AMOTL1: variants seen among roughly 807,000 people sequenced by gnomAD.
AMOTL1 encodes the protein angiomotin-like protein 1.
AMOTL1 carries 45 observed loss-of-function variants against 102.9 expected under a neutral mutation model. The observed-to-expected ratio is 0.44, with a 90% confidence interval of 0.34 to 0.56. AMOTL1 has a LOEUF of 0.56. Ranked by LOEUF, AMOTL1 falls within the 20% of genes least tolerant of loss-of-function variation. AMOTL1 has a pLI of 0.01. For synonymous variants in AMOTL1, 481 were observed against 484.7 expected, an observed-to-expected ratio of 0.99 and a Z score of 0.10; for missense variants, 1,114 against 1,225.6, an observed-to-expected ratio of 0.91 and a Z score of 1.36.
intron 3 of AMOTL1, among the ~76,000 whole-genome samples, chr11:94,817,957 G>A (rs1002534034): frequency 6.6e-6 from 1 of 152,160 alleles, no homozygotes; most frequent in Non-Finnish European, 1.5e-5. Flanking sequence ...GCTGTTTACA[G>A]CTTTTAATAA....
chr11:94,853,432 G>GA (rs1235270511), intron 7 of AMOTL1, among the ~76,000 whole-genome samples: 3 of 152,148 alleles, frequency 2.0e-5, no homozygotes, highest in Non-Finnish European at 4.4e-5. Flanking sequence ...AGTTTGCTGA[G>GA]AATGATGGCT....
At chr11:94,806,921 A>G (rs1459627550) in intron 3 of AMOTL1, among the ~76,000 whole-genome samples, 1 of 152,102 alleles carries the variant, frequency 6.6e-6, no homozygotes, top group Admixed American at 6.5e-5. Context: ...TGGAAAAAAA[A>G]TTTCAGGGGG....
At chr11:94,781,848 A>G (rs1328742383) in intron 1 of AMOTL1, among the ~76,000 whole-genome samples, 1 of 152,108 alleles carries the variant, frequency 6.6e-6, no homozygotes, top group Admixed American at 6.5e-5. Flanking sequence ...AGAAGAAAAA[A>G]AAAAAAAGAA....
chr11:94,849,773 C>G (rs1952492095), intron 6 of AMOTL1, among the ~76,000 whole-genome samples: 1 of 151,992 alleles, frequency 6.6e-6, no homozygotes, highest in Non-Finnish European at 1.5e-5. Flanking sequence ...AAAATGGAAG[C>G]AGGGAATGTT....
At chr11:94,823,719 C>CT (rs56265520) in intron 4 of AMOTL1, among the ~76,000 whole-genome samples, 33,885 of 141,608 alleles carry the variant, frequency 0.24, 4,446 homozygotes, top group East Asian at 0.45. Flanking sequence ...TTAACATGTA[C>CT]TTTTTTTTTT....
intron 11 of AMOTL1, among the ~76,000 whole-genome samples, chr11:94,868,477 C>G (rs575596044): frequency 6.6e-6 from 1 of 152,318 alleles, no homozygotes; most frequent in Non-Finnish European, 1.5e-5. Flanking sequence ...CTTCCCCACC[C>G]CAGCCTCACT....
chr11:94,801,365 G>A (rs2135576158), intron 3 of AMOTL1, among the ~76,000 whole-genome samples: 1 of 152,268 alleles, frequency 6.6e-6, no homozygotes, highest in East Asian at 1.9e-4. Flanking sequence ...TTTGGACAGG[G>A]AAGTTGGGAC....
At chr11:94,772,205 A>G (rs1159509120) in intron 1 of AMOTL1, among the ~76,000 whole-genome samples, 2 of 152,218 alleles carry the variant, frequency 1.3e-5, no homozygotes, top group African/African-American at 2.4e-5. Context: ...TTCAGATTTC[A>G]CCAGTTTTAC....
chr11:94,721,475 G>A (rs906682293), intron 1 of AMOTL1, among the ~76,000 whole-genome samples: 1 of 152,096 alleles, frequency 6.6e-6, no homozygotes, highest in East Asian at 1.9e-4. Flanking sequence ...ATGGTATTTG[G>A]AGGTGGGACC....
At chr11:94,840,891 T>C (rs974898420) in intron 6 of AMOTL1, among the ~76,000 whole-genome samples, 4 of 151,954 alleles carry the variant, frequency 2.6e-5, no homozygotes, top group Admixed American at 1.3e-4. Flanking sequence ...ATGTCCTATT[T>C]CCTGAAATGT....
Position 94,756,072 on chromosome 11 carries a change from C to T in AMOTL1, c.136+15084C>T, listed in dbSNP as rs149862771. 5.6e-3 allele frequency among the ~76,000 whole-genome samples: 845 copies of T among 152,184 alleles called. 11 individuals carry two copies. Among genetic ancestry groups the T allele is most frequent in the African/African-American group, 0.019 (801 of 41,530 alleles). On this transcript the variant is annotated intron_variant, in intron 3 of 4. Coordinates refer to the AMOTL1 transcript ENST00000299004. Reference sequence around the variant, plus strand: ...GACCTTCCGCTGGAGTCAGGCTGCTCAGCAGCCAGACTCTCCTCTGACTGC... The same window carrying T: ...GACCTTCCGCTGGAGTCAGGCTGCTTAGCAGCCAGACTCTCCTCTGACTGC...
Position 94,753,329 on chromosome 11 carries a change from G to A in AMOTL1, c.136+12341G>A, listed in dbSNP as rs190674542. On this transcript the variant is annotated intron_variant, in intron 3 of 4. Transcript: ENST00000299004. ...TGCTTTTTTTTTTTTTTTTTTTCCT[G>A]TCTTCCCCTCCTTGCCTTGTCACTC... Among the ~76,000 whole-genome samples, 309 of 73,108 alleles carry A rather than the reference G, an allele frequency of 4.2e-3. 3 individuals carry two copies. The highest frequency in any genetic ancestry group is 0.015 in the African/African-American group (300 of 20,042). The allele number at this position is 73,108 out of a possible 152,430, so 48.0% of individuals were successfully genotyped here.
intron 3 of AMOTL1, among the ~76,000 whole-genome samples, chr11:94,753,399 C>T (rs1000920855): frequency 6.8e-6 from 1 of 147,098 alleles, no homozygotes; most frequent in African/African-American, 2.5e-5. Flanking sequence ...TTTCTACTCT[C>T]TTAATTCATT....
At chr11:94,788,358 G>A (rs953259938) in intron 1 of AMOTL1, among the ~76,000 whole-genome samples, 6 of 152,236 alleles carry the variant, frequency 3.9e-5, no homozygotes, top group South Asian at 2.1e-4. Context: ...ACTAAGCTAC[G>A]CTGAACTCTC....
intron 9 of AMOTL1, among the ~76,000 whole-genome samples, chr11:94,861,561 G>C (rs1459723198): frequency 6.6e-6 from 1 of 152,186 alleles, no homozygotes; most frequent in African/African-American, 2.4e-5. Context: ...CCTGCGCTCA[G>C]GGCTTCTCCC....
chr11:94,749,186 T>A (rs935964284), intron 3 of AMOTL1, among the ~76,000 whole-genome samples: 1 of 152,160 alleles, frequency 6.6e-6, no homozygotes, highest in African/African-American at 2.4e-5. Context: ...TGGAACATGA[T>A]GATGTAACTC....
intron 3 of AMOTL1, among the ~76,000 whole-genome samples, chr11:94,817,290 T>C (rs1373742305): frequency 6.6e-6 from 1 of 152,112 alleles, no homozygotes; most frequent in Non-Finnish European, 1.5e-5. Flanking sequence ...TGTGATCCTG[T>C]TTTGTGATAT....
chr11:94,791,398 A>G (rs573184033), intron 1 of AMOTL1, among the ~76,000 whole-genome samples: 1 of 152,170 alleles, frequency 6.6e-6, no homozygotes, highest in African/African-American at 2.4e-5. Context: ...CTTTACTCAG[A>G]CCTTAGCTTG....
At chr11:94,741,027 A>G (rs1243653345) in intron 3 of AMOTL1, 17 of 1,283,628 alleles carry the variant, frequency 1.3e-5, no homozygotes, top group Non-Finnish European at 1.6e-5. Context: ...CTTGGTCGCA[A>G]TTCTGCCCGA....
Sources: allele counts gnomAD v4.1 joint callset (sites outside exome capture counted in the v4.1 genomes callset), GRCh38; gene constraint gnomAD v4.1.1; transcripts MANE v1.5; gene names NCBI Gene and HGNC (gene_info 2026-07-23, HGNC 2026-07-21).